FAM174A: variants seen among roughly 807,000 people sequenced by gnomAD.
FAM174A encodes the protein membrane protein FAM174A.
FAM174A carries 14 observed loss-of-function variants against 14.3 expected under a neutral mutation model. The ratio of observed to expected loss-of-function variants is 0.98; its 90% CI spans 0.65 to 1.53. The LOEUF (loss-of-function observed/expected upper bound fraction) is 1.53, where lower values mean the gene tolerates loss of function less well. FAM174A is among the 40% of genes most tolerant of loss of function. The pLI is 0.00. For synonymous variants in FAM174A, 108 were observed against 111.4 expected (o/e 0.97, Z 0.19); for missense variants, 241 against 249.6 (o/e 0.97, Z 0.23).
Position 100,571,365 on chromosome 5 carries a change from A to T in FAM174A, c.569+9177A>T, listed in dbSNP as rs144718599. Among the ~76,000 whole-genome samples, 1,329 of 151,586 alleles carry T rather than the reference A, an allele frequency of 8.8e-3. 29 individuals carry two copies. Among genetic ancestry groups the T allele is most frequent in the African/African-American group, 0.031 (1,277 of 41,462 alleles). On this transcript the variant is annotated intron_variant, in intron 2 of 2. Coordinates refer to ENST00000312637, the MANE Select transcript of FAM174A (RefSeq NM_198507.3). ...TGAAGGGACTTTTTTATTGGATGGG[A>T]AGAGTTATTTAATATACATAGAGCT...
intron 2 of FAM174A, among the ~76,000 whole-genome samples, chr5:100,580,543 C>T (rs1746991202): frequency 6.6e-6 from 1 of 152,178 alleles, no homozygotes; most frequent in Non-Finnish European, 1.5e-5. Flanking sequence ...GAGGCTAGGC[C>T]AGTCTCTCAC....
chr5:100,581,842 T>C (rs1408063581), intron 2 of FAM174A, among the ~76,000 whole-genome samples: 1 of 152,122 alleles, frequency 6.6e-6, no homozygotes, highest in East Asian at 1.9e-4. Context: ...TATAAACAGG[T>C]TCAAGGAAAT....
intron 1 of FAM174A, among the ~76,000 whole-genome samples, chr5:100,550,825 A>T (rs1369533328): frequency 6.6e-6 from 1 of 152,172 alleles, no homozygotes; most frequent in Non-Finnish European, 1.5e-5. Context: ...GTGAGAGAAG[A>T]CTGTGAGGCC....
chr5:100,568,774 A>C (rs932818441), intron 2 of FAM174A, among the ~76,000 whole-genome samples: 2 of 151,952 alleles, frequency 1.3e-5, no homozygotes, highest in African/African-American at 4.8e-5. Context: ...TCACTGTCCC[A>C]TCATGTCCAG....
intron 2 of FAM174A, among the ~76,000 whole-genome samples, chr5:100,576,920 A>G (rs930457800): frequency 2.6e-4 from 40 of 152,186 alleles, no homozygotes; most frequent in Admixed American, 2.6e-4. Context: ...TTTTCCAGAA[A>G]GAAAAACTGA....
chr5:100,581,522 G>A (rs1051459993), intron 2 of FAM174A: 1 of 272,344 alleles, frequency 3.7e-6, no homozygotes, highest in Non-Finnish European at 5.6e-6. Flanking sequence ...GGAGGCCAAG[G>A]TGGGCGGATC....
rs1333407366 is a variant in FAM174A, at chr5:100,570,578, G to C, written c.569+8390G>C. 2.0e-5 allele frequency among the ~76,000 whole-genome samples: 3 copies of C among 151,910 alleles called. No homozygotes were observed. In the East Asian group the frequency reaches 5.8e-4, roughly 29 times the overall value. ...GTCATTGAAATAGGAACTTGACCAA[G>C]GATTTCCCAGAACAGCTATATAATG... On this transcript the variant is annotated intron_variant, in intron 2 of 2. Transcript: ENST00000312637.
At chr5:100,541,318 C>T (rs1167649750) in intron 1 of FAM174A, among the ~76,000 whole-genome samples, 1 of 152,110 alleles carries the variant, frequency 6.6e-6, no homozygotes, top group African/African-American at 2.4e-5. Flanking sequence ...AAATATCATT[C>T]CTGTTAGACA....
chr5:100,542,442 A>G (rs1003357281), intron 1 of FAM174A, among the ~76,000 whole-genome samples: 2 of 152,162 alleles, frequency 1.3e-5, no homozygotes, highest in Admixed American at 1.3e-4. Context: ...TCCAATTTCA[A>G]TTGCTAAATA....
intron 1 of FAM174A, among the ~76,000 whole-genome samples, chr5:100,538,250 T>C (rs1745978116): frequency 6.6e-6 from 1 of 152,118 alleles, no homozygotes; most frequent in Non-Finnish European, 1.5e-5. Context: ...TTTCAAACTA[T>C]GTGTGACAGT....
At chr5:100,579,685 C>A (rs888417134) in intron 2 of FAM174A, among the ~76,000 whole-genome samples, 2 of 152,084 alleles carry the variant, frequency 1.3e-5, no homozygotes, top group Non-Finnish European at 2.9e-5. Flanking sequence ...CTCAGTCACC[C>A]AAAGTGCTGG....
intron 2 of FAM174A, among the ~76,000 whole-genome samples, chr5:100,571,681 TATATATATATACACAC>T (rs1243610778): frequency 6.8e-6 from 1 of 146,818 alleles, no homozygotes; most frequent in Non-Finnish European, 1.5e-5. Context: ...TGTATATATA[TATATATATATACACAC>T]ACACACCCTA....
chr5:100,539,435 T>A (rs1435654764), intron 1 of FAM174A, among the ~76,000 whole-genome samples: 1 of 152,186 alleles, frequency 6.6e-6, no homozygotes, highest in Non-Finnish European at 1.5e-5. Context: ...TACCCAACCC[T>A]ATACGCTAAG....
intron 2 of FAM174A, among the ~76,000 whole-genome samples, chr5:100,582,506 T>C (rs1297871869): frequency 6.6e-6 from 1 of 152,074 alleles, no homozygotes; most frequent in Non-Finnish European, 1.5e-5. Flanking sequence ...GATCAAATGC[T>C]TTTCATTACG....
At chr5:100,541,610 T>C (rs1192664725) in intron 1 of FAM174A, among the ~76,000 whole-genome samples, 1 of 151,708 alleles carries the variant, frequency 6.6e-6, no homozygotes, top group Non-Finnish European at 1.5e-5. Context: ...CAGAAGGAAA[T>C]ATTGAAGATA....
intron 1 of FAM174A, among the ~76,000 whole-genome samples, chr5:100,557,121 G>A (rs146806633): frequency 0.57 from 86,149 of 151,982 alleles, 26,839 homozygotes; most frequent in African/African-American, 0.81. Flanking sequence ...CGTCCCATCA[G>A]TACCTAATTT....
intron 1 of FAM174A, among the ~76,000 whole-genome samples, chr5:100,546,126 A>T (rs1230920781): frequency 6.6e-6 from 1 of 152,200 alleles, no homozygotes; most frequent in African/African-American, 2.4e-5. Flanking sequence ...CCTTTAAGAA[A>T]ATTCAGCTGC....
chr5:100,553,221 A>C (rs1746300672), intron 1 of FAM174A, among the ~76,000 whole-genome samples: 1 of 152,130 alleles, frequency 6.6e-6, no homozygotes, highest in Admixed American at 6.6e-5. Context: ...TAAAAATAAT[A>C]CACAATGCAT....
chr5:100,535,993 C>G lies in FAM174A; in HGVS notation c.434+29C>G, dbSNP rs369516601. ...AGGCAAAGCCTCGGTGGGGCACCCC[C>G]GTGGGCCTGAGATACGCAGGCCGGT... On this transcript the variant is annotated intron_variant, in intron 1 of 2. Coordinates refer to ENST00000312637, the MANE Select transcript of FAM174A (RefSeq NM_198507.3). The G allele has an allele frequency of 5.9e-6, 9 of 1,530,686 alleles. No individual in the cohort carries two copies. The South Asian group carries it at 7.5e-5, about 13-fold the overall frequency. The allele number at this position is 1,530,686 out of a possible 1,614,324, so 94.8% of individuals were successfully genotyped here.
Sources: gnomAD v4.1 joint callset for allele counts (sites outside exome capture counted in the v4.1 genomes callset) on GRCh38, gnomAD v4.1.1 for gene constraint, MANE v1.5 for transcripts, NCBI Gene and HGNC (gene_info 2026-07-23, HGNC 2026-07-21) for gene names.